MTSS1: variants seen among roughly 807,000 people sequenced by gnomAD.
MTSS1 encodes the protein MTSS I-BAR domain containing 1.
A neutral mutation model predicts 79.0 loss-of-function variants in MTSS1; 18 were observed. The ratio of observed to expected loss-of-function variants is 0.23; its 90% CI spans 0.16 to 0.34. MTSS1 has a LOEUF of 0.34. Ranked by LOEUF, MTSS1 falls within the 10% of genes least tolerant of loss-of-function variation. The pLI is 1.00. For missense variants in MTSS1, 815 were observed against 986.2 expected, an observed-to-expected ratio of 0.83 and a Z score of 2.33; for synonymous variants, 341 against 368.6, an observed-to-expected ratio of 0.93 and a Z score of 0.86.
At chr8:124,622,936 ACC>A (rs1229325843) in intron 3 of MTSS1, among the ~76,000 whole-genome samples, 1 of 152,216 alleles carries the variant, frequency 6.6e-6, no homozygotes, top group Admixed American at 6.5e-5. Context: ...ATCTTCCCTG[ACC>A]CGGAAAGTAG....
At chr8:124,625,478 C>T (rs575141307) in intron 3 of MTSS1, among the ~76,000 whole-genome samples, 1 of 152,174 alleles carries the variant, frequency 6.6e-6, no homozygotes, top group Admixed American at 6.5e-5. Flanking sequence ...ACCTAAGGAT[C>T]GCAAATGCTG....
intron 3 of MTSS1, among the ~76,000 whole-genome samples, chr8:124,620,933 T>C (rs1813379726): frequency 3.3e-5 from 5 of 152,150 alleles, no homozygotes. Context: ...TTAAACAGGA[T>C]CGCCTAGTTC....
At position 124,556,317 on chromosome 8, in the gene MTSS1, C is replaced by G; in HGVS notation, c.1319G>C (p.Gly440Ala). 1 of 1,614,170 alleles carries G rather than the reference C, an allele frequency of 6.2e-7. No homozygotes were observed. The change falls in exon 12 of 14, where the codon GGA (glycine) becomes GCA (alanine). Residue 440 changes from glycine (G) to alanine (A), a missense_variant. By Grantham distance (60) the Gly-to-Ala change is moderately conservative. Around this residue, in one of 2 missense-constraint regions of MTSS1, gnomAD observed 590 missense variants for 620.8 expected, o/e 0.95. Coordinates refer to ENST00000518547, the MANE Select transcript of MTSS1 (RefSeq NM_014751.6). ...TGGGCCGCTGGCGGTAGTGGGTCCTCCCCCGTTGGGGTCCGGTTCTCGCTT... is the reference window on the plus strand; with the variant it reads ...TGGGCCGCTGGCGGTAGTGGGTCCTGCCCCGTTGGGGTCCGGTTCTCGCTT... ...KEKREPDPNG[G>A]GPTTASGPPA...
At chr8:124,556,630 A>G (rs1460347406) in intron 11 of MTSS1, 3 of 567,424 alleles carry the variant, frequency 5.3e-6, no homozygotes, top group Non-Finnish European at 9.1e-6. Flanking sequence ...GTCTCTGCCC[A>G]AAGATTAAAA....
At chr8:124,656,438 C>T (rs936437655) in intron 3 of MTSS1, among the ~76,000 whole-genome samples, 6 of 149,650 alleles carry the variant, frequency 4.0e-5, no homozygotes, top group Non-Finnish European at 8.9e-5. Context: ...TAAATTGCTA[C>T]CAAAAGGACA....
chr8:124,716,844 G>C (rs552633298), intron 1 of MTSS1, among the ~76,000 whole-genome samples: 1 of 152,174 alleles, frequency 6.6e-6, no homozygotes, highest in East Asian at 1.9e-4. Context: ...ATTGGGAACT[G>C]AGACATGTTT....
chr8:124,711,915 T>C (rs1349849212), intron 1 of MTSS1, among the ~76,000 whole-genome samples: 1 of 148,230 alleles, frequency 6.7e-6, no homozygotes, highest in Admixed American at 6.8e-5. Flanking sequence ...GGCTAAGGCA[T>C]GAAAATCGCT....
chr8:124,589,092 G>A (rs1236753110), intron 5 of MTSS1, among the ~76,000 whole-genome samples: 1 of 151,700 alleles, frequency 6.6e-6, no homozygotes, highest in Non-Finnish European at 1.5e-5. Flanking sequence ...GTACAATGGT[G>A]CAATCTTGGC....
At chr8:124,608,473 A>G (rs186755643) in intron 3 of MTSS1, among the ~76,000 whole-genome samples, 3 of 152,320 alleles carry the variant, frequency 2.0e-5, no homozygotes, top group Admixed American at 6.5e-5. Flanking sequence ...TCATTGCCCA[A>G]CTGCAGAGAA....
At chr8:124,623,917 T>A (rs934880887) in intron 3 of MTSS1, among the ~76,000 whole-genome samples, 5 of 152,240 alleles carry the variant, frequency 3.3e-5, no homozygotes, top group African/African-American at 1.2e-4. Flanking sequence ...GCGCTAGGAT[T>A]ACAGGCGGAA....
chr8:124,671,414 T>C (rs1563971217), intron 3 of MTSS1, among the ~76,000 whole-genome samples: 1 of 152,122 alleles, frequency 6.6e-6, no homozygotes, highest in African/African-American at 2.4e-5. Context: ...TTCCACCCAC[T>C]TGCCAAGTCC....
intron 3 of MTSS1, among the ~76,000 whole-genome samples, chr8:124,637,386 G>A (rs964600640): frequency 2.0e-5 from 3 of 152,206 alleles, no homozygotes; most frequent in Non-Finnish European, 4.4e-5. Flanking sequence ...GGCCAATCTA[G>A]AGTGAGGAAT....
chr8:124,585,046 C>T, intron 6 of MTSS1, 41 bp downstream of exon 6: 1 of 1,532,950 alleles, frequency 6.5e-7, no homozygotes, highest in Non-Finnish European at 9.0e-7. Flanking sequence ...ATCAAGTACT[C>T]CATCAGGAAG....
At chr8:124,589,576 GC>G in intron 5 of MTSS1, 43 bp downstream of exon 5, 3 of 1,491,358 alleles carry the variant, frequency 2.0e-6, no homozygotes, top group Non-Finnish European at 2.8e-6. Context: ...TTCCCACAGC[GC>G]CCCCCAGCGT....
chr8:124,724,853 T>C (rs74355816), intron 1 of MTSS1, among the ~76,000 whole-genome samples: 2,564 of 152,258 alleles, frequency 0.017, 33 homozygotes, highest in Non-Finnish European at 0.027. Context: ...CGGAAGGCAG[T>C]CAACATCACT....
At chr8:124,579,090 T>C (rs1829547153) in intron 6 of MTSS1, among the ~76,000 whole-genome samples, 1 of 152,188 alleles carries the variant, frequency 6.6e-6, no homozygotes, top group Non-Finnish European at 1.5e-5. Flanking sequence ...GCAGAATCTT[T>C]AGAACTTACA....
rs562189437 is a variant in MTSS1 at position 124,626,507 on chromosome 8, G to A, written c.209-35272C>T. ...TAAAAAAACCAAACATGATCCTATAGTCAAAGTAGCTCCAGTCAAAAGGAT... is the reference window on the plus strand; with the variant it reads ...TAAAAAAACCAAACATGATCCTATAATCAAAGTAGCTCCAGTCAAAAGGAT... On this transcript the variant is annotated intron_variant, in intron 3 of 13. Transcript: ENST00000518547. Among the ~76,000 whole-genome samples, 3 of 152,184 alleles carry A rather than the reference G, an allele frequency of 2.0e-5. No homozygotes were observed. The East Asian group carries it at 5.8e-4, about 29-fold the overall frequency.
intron 3 of MTSS1, among the ~76,000 whole-genome samples, chr8:124,596,337 G>C (rs1417208981): frequency 6.6e-6 from 1 of 152,236 alleles, no homozygotes; most frequent in African/African-American, 2.4e-5. Context: ...ACTGCTTAGA[G>C]AGGCACAAAT....
chr8:124,567,107 G>A lies in MTSS1; in HGVS notation c.690C>T (p.Thr230=). 1 of 1,614,054 alleles carries A rather than the reference G, an allele frequency of 6.2e-7. No individual in the cohort carries two copies. The highest frequency in any genetic ancestry group is 8.5e-7 in the Non-Finnish European group (1 of 1,179,940). The change falls in exon 8 of 14, where the codon ACC becomes ACT. Residue 230 remains threonine, a synonymous_variant. Transcript: ENST00000518547. ...QTISEDLKSL[T]MDPHKLPSSS... ...AGGAGGGCAGTTTGTGAGGGTCCAT[G>A]GTCAGGCTTTTTAGATCTTCCGAGA...
Sources: gnomAD v4.1 joint callset for allele counts (sites outside exome capture counted in the v4.1 genomes callset) on GRCh38, gnomAD v4.1.1 for gene constraint, gnomAD v4.1.1 regional missense constraint, MANE v1.5 for transcripts, NCBI Gene and HGNC (gene_info 2026-07-23, HGNC 2026-07-21) for gene names.